RBFOX1: variants seen among roughly 807,000 people sequenced by gnomAD.
RBFOX1 encodes the protein RNA binding fox-1 homolog 1.
A neutral mutation model predicts 57.7 loss-of-function variants in RBFOX1; 8 were observed. The ratio of observed to expected loss-of-function variants is 0.14; its 90% CI spans 0.08 to 0.25. The LOEUF (loss-of-function observed/expected upper bound fraction) is 0.25. Among genes scored for constraint, RBFOX1 ranks in the 10% least tolerant of loss-of-function variants. The probability of loss-of-function intolerance (pLI) is 1.00; values close to 1 mark genes in which losing one functional copy is unlikely to be tolerated. For missense variants in RBFOX1, 611 were observed against 548.5 expected (o/e 1.11, Z -1.14); for synonymous variants, 326 against 222.4 (o/e 1.47, Z -4.15).
intron 1 of RBFOX1, among the ~76,000 whole-genome samples, chr16:6,100,294 C>G (rs889169459): frequency 2.0e-5 from 3 of 152,096 alleles, no homozygotes; most frequent in Non-Finnish European, 2.9e-5. Context: ...TCCCGAGGAG[C>G]TGGGACTACA....
chr16:7,491,206 C>T (rs866271284), intron 4 of RBFOX1, among the ~76,000 whole-genome samples: 10 of 152,080 alleles, frequency 6.6e-5, no homozygotes, highest in African/African-American at 1.7e-4. Flanking sequence ...TCTTTGCTTT[C>T]CGGGCATTGC....
At chr16:6,710,680 G>A (rs1308989943) in intron 3 of RBFOX1, among the ~76,000 whole-genome samples, 1 of 152,222 alleles carries the variant, frequency 6.6e-6, no homozygotes, top group Admixed American at 6.5e-5. Context: ...CACACCTGCT[G>A]CAGTTTGGAA....
At chr16:5,663,396 G>C (rs1309246898) in intron 3 of RBFOX1, among the ~76,000 whole-genome samples, 1 of 151,018 alleles carries the variant, frequency 6.6e-6, no homozygotes, top group Non-Finnish European at 1.5e-5. Context: ...TTAGAAATGG[G>C]GTCTCACTAT....
chr16:6,893,840 G>A (rs1055195085), intron 3 of RBFOX1, among the ~76,000 whole-genome samples: 1 of 152,116 alleles, frequency 6.6e-6, no homozygotes, highest in Non-Finnish European at 1.5e-5. Flanking sequence ...TAATACTTCA[G>A]GGCCAATGGA....
intron 5 of RBFOX1, among the ~76,000 whole-genome samples, chr16:7,533,852 G>GTT (rs1304566198): frequency 6.6e-6 from 1 of 152,142 alleles, no homozygotes. Flanking sequence ...CAAAGAATGA[G>GTT]TTTCTCAGTT....
intron 4 of RBFOX1, among the ~76,000 whole-genome samples, chr16:7,286,079 C>T (rs1412167299): frequency 6.6e-6 from 1 of 152,114 alleles, no homozygotes; most frequent in African/African-American, 2.4e-5. Context: ...ACATAATTTA[C>T]CACTCTATAA....
chr16:6,712,462 C>T (rs1164648779), intron 3 of RBFOX1, among the ~76,000 whole-genome samples: 1 of 152,088 alleles, frequency 6.6e-6, no homozygotes, highest in East Asian at 1.9e-4. Flanking sequence ...CCTTTCCTCT[C>T]ATCTCCCGAG....
intron 3 of RBFOX1, among the ~76,000 whole-genome samples, chr16:6,793,295 A>C (rs564680766): frequency 6.6e-6 from 1 of 152,192 alleles, no homozygotes; most frequent in African/African-American, 2.4e-5. Flanking sequence ...TAGATTTTAC[A>C]TAAAATTTTT....
At chr16:7,355,410 C>T (rs1245960177) in intron 4 of RBFOX1, among the ~76,000 whole-genome samples, 2 of 152,148 alleles carry the variant, frequency 1.3e-5, no homozygotes, top group African/African-American at 4.8e-5. Context: ...CCCCTTTCTC[C>T]TGTCCTACCT....
intron 4 of RBFOX1, among the ~76,000 whole-genome samples, chr16:7,188,004 C>G (rs923148256): frequency 6.6e-6 from 1 of 152,126 alleles, no homozygotes; most frequent in African/African-American, 2.4e-5. Context: ...GTGTGCTAGC[C>G]ATAGTTATCT....
intron 5 of RBFOX1, among the ~76,000 whole-genome samples, chr16:7,552,053 G>C (rs1009342528): frequency 4.6e-5 from 7 of 152,092 alleles, no homozygotes; most frequent in African/African-American, 1.7e-4. Flanking sequence ...CCCCACAATT[G>C]TATAAGGAGA....
intron 3 of RBFOX1, among the ~76,000 whole-genome samples, chr16:6,716,963 C>G (rs2154157330): frequency 6.6e-6 from 1 of 152,266 alleles, no homozygotes; most frequent in Non-Finnish European, 1.5e-5. Context: ...GTGGAGCCCT[C>G]ACAAATGGGA....
Position 5,561,933 on chromosome 16 carries a change from C to T in RBFOX1, c.259-36969C>T, listed in dbSNP as rs760689606. ...TGGAGTCCACCCAAGATAATTCTTTCGAGGGCCTCTTTTCCCCTGTCATCG... is the reference window on the plus strand; with the variant it reads ...TGGAGTCCACCCAAGATAATTCTTTTGAGGGCCTCTTTTCCCCTGTCATCG... On this transcript the variant is annotated intron_variant, in intron 2 of 2. Coordinates refer to the RBFOX1 transcript ENST00000585867. Among the ~76,000 whole-genome samples, 4 of 152,168 alleles carry T rather than the reference C, an allele frequency of 2.6e-5. No homozygotes were observed. In the East Asian group the frequency reaches 5.8e-4, roughly 22 times the overall value.
chr16:6,295,695 T>C (rs1272850157), intron 1 of RBFOX1, among the ~76,000 whole-genome samples: 5 of 152,196 alleles, frequency 3.3e-5, no homozygotes, highest in African/African-American at 1.2e-4. Context: ...CAGTGTGTGA[T>C]GCTGAAGGTA....
intron 2 of RBFOX1, among the ~76,000 whole-genome samples, chr16:6,605,018 G>C (rs1006845092): frequency 3.3e-5 from 5 of 151,984 alleles, no homozygotes; most frequent in Non-Finnish European, 7.4e-5. Flanking sequence ...TGTATTTATA[G>C]TGTGTGCATA....
chr16:6,818,900 C>T (rs1029912229), intron 3 of RBFOX1, among the ~76,000 whole-genome samples: 21 of 152,210 alleles, frequency 1.4e-4, no homozygotes, highest in African/African-American at 3.9e-4. Context: ...GAAAGAGACT[C>T]GATTTCCTCT....
intron 3 of RBFOX1, among the ~76,000 whole-genome samples, chr16:5,636,466 C>A (rs930192127): frequency 6.6e-6 from 1 of 152,182 alleles, no homozygotes. Context: ...GGATGAGAAT[C>A]TGAAGGACTC....
chr16:6,556,490 G>A lies in RBFOX1; in HGVS notation c.-63-98113G>A, dbSNP rs553897241. Among the ~76,000 whole-genome samples, 12 of 152,270 alleles carry A rather than the reference G, an allele frequency of 7.9e-5. No individual in the cohort carries two copies. The South Asian group carries it at 2.3e-3, about 29-fold the overall frequency. On this transcript the variant is annotated intron_variant, in intron 2 of 15. Coordinates refer to ENST00000550418, the MANE Select transcript of RBFOX1 (RefSeq NM_018723.4). ...ACATGTCGCCTCTGAGGTCTCATTT[G>A]TTCCCAGGAAGTCCACGGCGCATTA...
intron 3 of RBFOX1, among the ~76,000 whole-genome samples, chr16:5,716,946 AC>A (rs749217785): frequency 9.9e-5 from 15 of 152,174 alleles, no homozygotes; most frequent in Non-Finnish European, 2.1e-4. Flanking sequence ...GACTTCTGAT[AC>A]AACTTTTCCC....
Sources: allele counts gnomAD v4.1 joint callset (sites outside exome capture counted in the v4.1 genomes callset), GRCh38; gene constraint gnomAD v4.1.1; transcripts MANE v1.5; gene names NCBI Gene and HGNC (gene_info 2026-07-23, HGNC 2026-07-21).